The following TSHZ2 variants were observed in gnomAD, a reference collection of about 807,000 sequenced individuals.
The protein encoded by TSHZ2 is teashirt zinc finger homeobox 2.
Under a neutral mutation model 74.4 loss-of-function variants are expected in TSHZ2, and 21 were observed. That is an observed-to-expected ratio of 0.28 (90% CI 0.20 to 0.41). The LOEUF (loss-of-function observed/expected upper bound fraction) is 0.41, where lower values mean the gene tolerates loss of function less well. TSHZ2 is among the 10% of genes least tolerant of loss of function. TSHZ2 has a pLI of 1.00. For synonymous variants in TSHZ2, 540 were observed against 515.3 expected, an observed-to-expected ratio of 1.05 and a Z score of -0.65; for missense variants, 1,244 against 1,293.5, an observed-to-expected ratio of 0.96 and a Z score of 0.59.
intron 1 of TSHZ2, among the ~76,000 whole-genome samples, chr20:53,091,582 T>C (rs1233123018): frequency 6.6e-6 from 1 of 152,254 alleles, no homozygotes; most frequent in African/African-American, 2.4e-5. Flanking sequence ...TATTTCTTGG[T>C]AGATCCATTT....
At chr20:53,056,040 T>G (rs1984628636) in intron 1 of TSHZ2, among the ~76,000 whole-genome samples, 1 of 152,250 alleles carries the variant, frequency 6.6e-6, no homozygotes, top group African/African-American at 2.4e-5. Context: ...CTGAGATTAC[T>G]TATTTTTTAC....
intron 1 of TSHZ2, among the ~76,000 whole-genome samples, chr20:53,131,310 G>A (rs972757577): frequency 5.3e-5 from 8 of 152,342 alleles, no homozygotes; most frequent in Non-Finnish European, 2.9e-5. Flanking sequence ...ATGTGATCAT[G>A]TTTATTAAGA....
intron 1 of TSHZ2, among the ~76,000 whole-genome samples, chr20:53,061,981 G>C (rs1440460056): frequency 6.6e-6 from 1 of 152,064 alleles, no homozygotes; most frequent in Non-Finnish European, 1.5e-5. Context: ...GTAAGTCTGG[G>C]CTGAAGTTAA....
intron 1 of TSHZ2, among the ~76,000 whole-genome samples, chr20:53,245,182 T>C (rs527702322): frequency 6.6e-6 from 1 of 152,336 alleles, no homozygotes; most frequent in Admixed American, 6.5e-5. Flanking sequence ...AAGAAGCAGA[T>C]ACTATTATTA....
At position 53,409,834 on chromosome 20, in the gene TSHZ2, C is replaced by CTTTTTTTTTTTTTTTTTTTTTTTTT. The variant is rs71194475; in HGVS notation, c.*9-77304_*9-77280dup. On this transcript the variant is annotated intron_variant, in intron 2 of 2. Transcript: ENST00000371497. Reference sequence around the variant, plus strand: ...AGAATTCACATCTTTGTTTTCTTTTCTTTTTTTTTTTTTTTTTTTTTTTTT... The same window carrying CTTTTTTTTTTTTTTTTTTTTTTTTT: ...AGAATTCACATCTTTGTTTTCTTTTCTTTTTTTTTTTTTTTTTTTTTTTTTTTTTTTTTTTTTTTTTTTTTTTTTT... Among the ~76,000 whole-genome samples the CTTTTTTTTTTTTTTTTTTTTTTTTT allele has an allele frequency of 8.1e-5, 4 of 49,336 alleles. 1 individual carries two copies. The highest frequency in any genetic ancestry group is 3.4e-4 in the African/African-American group (4 of 11,640). The allele number at this position is 49,336 out of a possible 152,430, so 32.4% of individuals were successfully genotyped here.
At chr20:53,088,911 G>A (rs1310448449) in intron 1 of TSHZ2, among the ~76,000 whole-genome samples, 2 of 152,046 alleles carry the variant, frequency 1.3e-5, no homozygotes, top group African/African-American at 4.8e-5. Context: ...AGTTTATTGG[G>A]AGCACTGAGT....
chr20:53,292,415 C>A (rs1412156613), intron 2 of TSHZ2, among the ~76,000 whole-genome samples: 1 of 151,490 alleles, frequency 6.6e-6, no homozygotes, highest in Non-Finnish European at 1.5e-5. Context: ...AGAATTTCAC[C>A]CTCCTGGCCA....
intron 1 of TSHZ2, among the ~76,000 whole-genome samples, chr20:53,135,323 G>A (rs957514913): frequency 2.0e-5 from 3 of 151,888 alleles, no homozygotes; most frequent in Non-Finnish European, 2.9e-5. Context: ...CCCTACTCCC[G>A]GTCAACCTTT....
At chr20:53,438,752 G>C (rs1229728815) in intron 2 of TSHZ2, among the ~76,000 whole-genome samples, 1 of 152,180 alleles carries the variant, frequency 6.6e-6, no homozygotes, top group Admixed American at 6.5e-5. Flanking sequence ...TCTGAGGTCA[G>C]GAGTTCGAGA....
intron 2 of TSHZ2, among the ~76,000 whole-genome samples, chr20:53,320,632 C>T (rs767345369): frequency 6.6e-6 from 1 of 152,174 alleles, no homozygotes; most frequent in Non-Finnish European, 1.5e-5. Flanking sequence ...TCTTTCTTTG[C>T]AGAAAGGGGA....
chr20:53,126,214 G>T (rs569832697), intron 1 of TSHZ2, among the ~76,000 whole-genome samples: 4 of 152,274 alleles, frequency 2.6e-5, no homozygotes, highest in Admixed American at 2.0e-4. Context: ...CATAAACATC[G>T]ATTAGATTTG....
chr20:53,254,034 C>A lies in TSHZ2; in HGVS notation c.576C>A (p.Phe192Leu). The part of the protein sequence containing the change: ...PSRSVSKPSL[F>L]SSVQLYRQSS... ...GGTCCGTCTCGAAACCCAGCCTGTTCAGCTCGGTGCAGTTGTACCGACAGA... is the reference window on the plus strand; with the variant it reads ...GGTCCGTCTCGAAACCCAGCCTGTTAAGCTCGGTGCAGTTGTACCGACAGA... The change falls in exon 2 of 3, where the codon TTC becomes TTA. Residue 192 changes from phenylalanine to leucine, a missense_variant. Physicochemically the swap from Phe to Leu is conservative, Grantham distance 22. Transcript: ENST00000371497. The A allele has an allele frequency of 6.2e-7, 1 of 1,614,120 alleles. No homozygotes were observed. Among genetic ancestry groups the A allele is most frequent in the East Asian group, 2.2e-5 (1 of 44,862 alleles).
intron 2 of TSHZ2, among the ~76,000 whole-genome samples, chr20:53,287,388 G>A (rs1473276333): frequency 1.3e-5 from 2 of 152,150 alleles, no homozygotes; most frequent in African/African-American, 4.8e-5. Flanking sequence ...CACAAGGGGT[G>A]GGCATTTTCA....
At chr20:53,358,564 C>T (rs2145599533) in intron 2 of TSHZ2, among the ~76,000 whole-genome samples, 1 of 151,964 alleles carries the variant, frequency 6.6e-6, no homozygotes, top group African/African-American at 2.4e-5. Flanking sequence ...AGGCTGGTCT[C>T]GATCTCCTGG....
At chr20:53,272,625 A>C (rs746770210) in intron 2 of TSHZ2, among the ~76,000 whole-genome samples, 4 of 152,248 alleles carry the variant, frequency 2.6e-5, no homozygotes, top group African/African-American at 9.6e-5. Flanking sequence ...AGTCCCCAGC[A>C]TCTAACATAA....
chr20:53,240,042 T>A (rs181497274), intron 1 of TSHZ2, among the ~76,000 whole-genome samples: 2 of 152,310 alleles, frequency 1.3e-5, no homozygotes, highest in Non-Finnish European at 2.9e-5. Flanking sequence ...TAGAGTTTGA[T>A]CAAGGTTGAA....
intron 2 of TSHZ2, among the ~76,000 whole-genome samples, chr20:53,372,250 C>T (rs1043221291): frequency 6.6e-6 from 1 of 152,074 alleles, no homozygotes; most frequent in Non-Finnish European, 1.5e-5. Flanking sequence ...TCAAGGCAGG[C>T]GGACCACTTG....
intron 1 of TSHZ2, among the ~76,000 whole-genome samples, chr20:53,062,247 A>C (rs1011570273): frequency 2.6e-5 from 4 of 152,240 alleles, no homozygotes; most frequent in Non-Finnish European, 5.9e-5. Context: ...TGAGGATAAA[A>C]TAAGACAATC....
chr20:53,084,173 A>T (rs1412087399), intron 1 of TSHZ2, among the ~76,000 whole-genome samples: 1 of 152,198 alleles, frequency 6.6e-6, no homozygotes, highest in African/African-American at 2.4e-5. Context: ...ATTACTCAAA[A>T]GATTTTTCAT....
Sources: allele counts gnomAD v4.1 joint callset (sites outside exome capture counted in the v4.1 genomes callset), GRCh38; gene constraint gnomAD v4.1.1; transcripts MANE v1.5; gene names NCBI Gene and HGNC (gene_info 2026-07-23, HGNC 2026-07-21).